The following FAM120B variants were observed in gnomAD, a reference collection of about 807,000 sequenced individuals.
FAM120B encodes the protein constitutive coactivator of peroxisome proliferator-activated receptor gamma.
Under a neutral mutation model 96.3 loss-of-function variants are expected in FAM120B, and 83 were observed. The ratio of observed to expected loss-of-function variants is 0.86; its 90% CI spans 0.72 to 1.03. FAM120B has a LOEUF of 1.03. Ranked by LOEUF, FAM120B falls within the 50% of genes least tolerant of loss-of-function variation. The probability of loss-of-function intolerance (pLI) is 0.00; values close to 1 mark genes in which losing one functional copy is unlikely to be tolerated. For synonymous variants in FAM120B, 407 were observed against 402.7 expected (o/e 1.01, Z -0.13); for missense variants, 1,027 against 1,121.2 (o/e 0.92, Z 1.20).
chr6:170,386,401 G>A (rs916973681), intron 6 of FAM120B, among the ~76,000 whole-genome samples: 1 of 152,118 alleles, frequency 6.6e-6, no homozygotes, highest in Non-Finnish European at 1.5e-5. Flanking sequence ...AGGGACATCT[G>A]TATACATAGA....
chr6:170,351,677 A>G (rs994007180), intron 5 of FAM120B, among the ~76,000 whole-genome samples: 2 of 152,320 alleles, frequency 1.3e-5, no homozygotes, highest in East Asian at 3.9e-4. Flanking sequence ...AGAATTTTAT[A>G]TCCAACCAAA....
At chr6:170,333,835 A>G (rs1786233192) in intron 4 of FAM120B, among the ~76,000 whole-genome samples, 1 of 152,268 alleles carries the variant, frequency 6.6e-6, no homozygotes, top group African/African-American at 2.4e-5. Context: ...TATAGGATAT[A>G]TATACTACAT....
chr6:170,398,090 G>A (rs937365025), intron 9 of FAM120B, among the ~76,000 whole-genome samples: 3 of 152,244 alleles, frequency 2.0e-5, no homozygotes, highest in South Asian at 2.1e-4. Flanking sequence ...TACGGGTTCT[G>A]CAGACAGGTG....
chr6:170,314,011 C>T (rs1784750773), intron 1 of FAM120B, among the ~76,000 whole-genome samples: 1 of 152,196 alleles, frequency 6.6e-6, no homozygotes, highest in Non-Finnish European at 1.5e-5. Flanking sequence ...TTATGCTGAG[C>T]GCATTGCTCT....
chr6:170,310,707 G>A (rs1225076691), intron 1 of FAM120B, among the ~76,000 whole-genome samples: 3 of 152,240 alleles, frequency 2.0e-5, no homozygotes, highest in Non-Finnish European at 4.4e-5. Context: ...TGGGACTAGA[G>A]GGGCTGCCAT....
chr6:170,337,393 G>A (rs187615596), intron 4 of FAM120B, among the ~76,000 whole-genome samples: 1 of 152,284 alleles, frequency 6.6e-6, no homozygotes, highest in African/African-American at 2.4e-5. Context: ...ACCTGATCGT[G>A]GTGGATAAAT....
intron 5 of FAM120B, among the ~76,000 whole-genome samples, chr6:170,349,745 G>A (rs1251382736): frequency 3.9e-5 from 6 of 152,154 alleles, no homozygotes; most frequent in South Asian, 2.1e-4. Context: ...AAGCAGCTGC[G>A]GTCCGTGGCA....
intron 9 of FAM120B, among the ~76,000 whole-genome samples, chr6:170,403,456 G>A (rs1311559116): frequency 6.6e-6 from 1 of 152,146 alleles, no homozygotes; most frequent in Non-Finnish European, 1.5e-5. Context: ...TCTTGTGTTA[G>A]TAAAAAAACT....
chr6:170,389,695 G>A (rs1790380817), intron 7 of FAM120B, among the ~76,000 whole-genome samples: 1 of 151,984 alleles, frequency 6.6e-6, no homozygotes, highest in African/African-American at 2.4e-5. Flanking sequence ...GAGTAGCCAG[G>A]ACTGCAGGCG....
At chr6:170,362,419 T>A (rs984580793) in intron 6 of FAM120B, among the ~76,000 whole-genome samples, 40 of 152,184 alleles carry the variant, frequency 2.6e-4, no homozygotes, top group Non-Finnish European at 5.4e-4. Context: ...TGTCTAGGAA[T>A]GTGGAAAGAG....
chr6:170,376,434 A>G (rs886681339), intron 6 of FAM120B, among the ~76,000 whole-genome samples: 1 of 146,426 alleles, frequency 6.8e-6, no homozygotes, highest in African/African-American at 2.5e-5. Context: ...TTGAAGGACC[A>G]GCAGAAAGAC....
intron 5 of FAM120B, 21 bp from the exon 6 acceptor site, chr6:170,358,205 G>A (rs1246804640): frequency 1.9e-6 from 3 of 1,567,802 alleles, no homozygotes; most frequent in Admixed American, 1.7e-5. Flanking sequence ...CCTAACACTG[G>A]CCTTTCTCTG....
chr6:170,399,265 G>C (rs970217376), intron 9 of FAM120B, among the ~76,000 whole-genome samples: 116 of 144,926 alleles, frequency 8.0e-4, no homozygotes, highest in Middle Eastern at 3.7e-3. Context: ...GTAGAACTAT[G>C]TCATAACTCT....
At chr6:170,361,661 G>A (rs187788664) in intron 6 of FAM120B, among the ~76,000 whole-genome samples, 1 of 152,226 alleles carries the variant, frequency 6.6e-6, no homozygotes, top group African/African-American at 2.4e-5. Context: ...AGCTTCTAGT[G>A]TATGGTTCTA....
At chr6:170,386,091 C>T (rs1297011843) in intron 6 of FAM120B, among the ~76,000 whole-genome samples, 4 of 152,124 alleles carry the variant, frequency 2.6e-5, no homozygotes, top group African/African-American at 9.7e-5. Flanking sequence ...ATGTACACCA[C>T]CAAGAGTGAA....
chr6:170,396,433 A>G (rs1251817002), intron 9 of FAM120B, among the ~76,000 whole-genome samples: 1 of 152,210 alleles, frequency 6.6e-6, no homozygotes, highest in Non-Finnish European at 1.5e-5. Context: ...CTGACTGTAG[A>G]TGAGAATTGA....
At chr6:170,389,450 A>G (rs1317909440) in intron 7 of FAM120B, among the ~76,000 whole-genome samples, 1 of 152,162 alleles carries the variant, frequency 6.6e-6, no homozygotes, top group African/African-American at 2.4e-5. Context: ...ACTTATGGTT[A>G]GGTAGGGCGA....
intron 6 of FAM120B, among the ~76,000 whole-genome samples, chr6:170,359,417 C>T (rs1481244353): frequency 6.6e-6 from 1 of 151,140 alleles, no homozygotes; most frequent in Non-Finnish European, 1.5e-5. Context: ...AATCACCTCA[C>T]AACTTATTTT....
upstream of FAM120B, among the ~76,000 whole-genome samples, chr6:170,303,479 G>A (rs929056863): frequency 1.3e-5 from 2 of 152,222 alleles, no homozygotes; most frequent in African/African-American, 4.8e-5. Flanking sequence ...TGGGCTCACA[G>A]AGTCCTCTTA....
Sources: gnomAD v4.1 joint callset for allele counts (sites outside exome capture counted in the v4.1 genomes callset) on GRCh38, gnomAD v4.1.1 for gene constraint, MANE v1.5 for transcripts, NCBI Gene and HGNC (gene_info 2026-07-23, HGNC 2026-07-21) for gene names.